Variants in POMK observed in about 807,000 individuals in gnomAD.
The protein encoded by POMK is Sugen kinase 196.
A neutral mutation model predicts 23.0 loss-of-function variants in POMK; 19 were observed. That is an observed-to-expected ratio of 0.83 (90% CI 0.58 to 1.21). The LOEUF is 1.21. Ranked by LOEUF, POMK falls within the 50% of genes most tolerant of loss-of-function variation. The pLI, the probability that POMK is intolerant of heterozygous loss-of-function variation, is 0.00. For synonymous variants in POMK, 173 were observed against 171.6 expected (o/e 1.01, Z -0.06); for missense variants, 410 against 431.3 (o/e 0.95, Z 0.44).
At chr8:43,094,990 A>G (rs1362310337) in intron 1 of POMK, among the ~76,000 whole-genome samples, 1 of 152,162 alleles carries the variant, frequency 6.6e-6, no homozygotes, top group African/African-American at 2.4e-5. Flanking sequence ...GCCTCATGCT[A>G]TGCTCTGGGC....
rs200269543 is a variant in POMK, at chr8:43,123,113, G to GT, written c.*237dup. 6.9e-3 allele frequency: 3,117 copies of GT among 450,524 alleles called. 91 individuals carry two copies. Among genetic ancestry groups the GT allele is most frequent in the African/African-American group, 0.057 (2,825 of 49,924 alleles). The allele number at this position is 450,524 out of a possible 1,614,324, so 27.9% of individuals were successfully genotyped here. On this transcript the variant is annotated 3_prime_UTR_variant, in exon 5 of 5. Coordinates refer to ENST00000331373, the MANE Select transcript of POMK (RefSeq NM_032237.5). The stretch of plus-strand genomic sequence containing the variant: ...GCTCTGTTGCTGAGGCTGGAGTGCA[G>GT]TGATGTGATCTTGGCTCACTGCAGC...
chr8:43,111,478 A>G (rs990681072), intron 4 of POMK, among the ~76,000 whole-genome samples: 2 of 152,344 alleles, frequency 1.3e-5, no homozygotes, highest in African/African-American at 2.4e-5. Context: ...CTGCCCCTAT[A>G]GGCTCCACCT....
At chr8:43,107,914 C>T (rs1258147598) in intron 4 of POMK, among the ~76,000 whole-genome samples, 1 of 152,126 alleles carries the variant, frequency 6.6e-6, no homozygotes, top group Non-Finnish European at 1.5e-5. Context: ...AACTCCTGAG[C>T]TCAGGCAATC....
Position 43,122,187 on chromosome 8 carries a change from T to C in POMK, c.363T>C (p.His121=), listed in dbSNP as rs374766465. ...TSLEMKDDFL[H]GLQMLKSLQG... ...TGGAGATGAAAGATGATTTCCTCCA[T>C]GGACTGCAGATGCTGAAATCTCTCC... Residue 121 remains histidine (H), a synonymous_variant, in exon 5 of 5, where the codon CAT becomes CAC. Transcript: ENST00000331373. 53 of 1,614,092 alleles carry C rather than the reference T, an allele frequency of 3.3e-5. No individual in the cohort carries two copies. Among genetic ancestry groups the C allele is most frequent in the Non-Finnish European group, 4.3e-5 (51 of 1,180,028 alleles).
chr8:43,106,509 C>CTTTTTTT (rs1221471764), intron 4 of POMK, among the ~76,000 whole-genome samples: 18 of 115,200 alleles, frequency 1.6e-4, no homozygotes, highest in East Asian at 2.3e-4. Context: ...TTTACTTTTG[C>CTTTTTTT]TTTTTTTTTT....
At position 43,098,396 on chromosome 8, in the gene POMK, T is replaced by C. The variant is rs971801305; in HGVS notation, c.-118+781T>C. ...GCATGTGGCCTTTTTGTCAGGCTTA[T>C]TTCACTGAGCATGATGTTTCCAGGG... On this transcript the variant is annotated intron_variant, in intron 2 of 4. Coordinates refer to ENST00000331373, the MANE Select transcript of POMK (RefSeq NM_032237.5). 2.6e-5 allele frequency among the ~76,000 whole-genome samples: 4 copies of C among 152,230 alleles called. No homozygotes were observed. The South Asian group carries it at 8.3e-4, about 31-fold the overall frequency.
At chr8:43,102,210 G>A (rs1280201127) in intron 2 of POMK, among the ~76,000 whole-genome samples, 2 of 152,224 alleles carry the variant, frequency 1.3e-5, no homozygotes, top group African/African-American at 4.8e-5. Flanking sequence ...CACTGTGTGT[G>A]AATGTCTCCA....
intron 4 of POMK, among the ~76,000 whole-genome samples, chr8:43,105,067 T>G (rs1811519221): frequency 6.6e-6 from 1 of 152,244 alleles, no homozygotes; most frequent in Non-Finnish European, 1.5e-5. Flanking sequence ...TTAATTGGCA[T>G]GTAATAATTA....
intron 4 of POMK, among the ~76,000 whole-genome samples, chr8:43,119,727 GGCCCAAAAACA>G (rs1350502104): frequency 2.0e-5 from 3 of 151,928 alleles, no homozygotes; most frequent in Non-Finnish European, 2.9e-5. Flanking sequence ...CACCGCGTCC[GGCCCAAAAACA>G]GCTTTTTAAT....
chr8:43,104,068 T>C (rs535809302), intron 4 of POMK, among the ~76,000 whole-genome samples: 75 of 152,284 alleles, frequency 4.9e-4, no homozygotes, highest in African/African-American at 1.8e-3. Context: ...GCATCCAGTG[T>C]TAGGAGCCCT....
At chr8:43,120,786 T>A in intron 4 of POMK, among the ~76,000 whole-genome samples, 1 of 151,986 alleles carries the variant, frequency 6.6e-6, no homozygotes, top group East Asian at 1.9e-4. Context: ...CAAGTGATTC[T>A]CCTGCCTCAG....
intron 4 of POMK, among the ~76,000 whole-genome samples, chr8:43,115,554 C>G (rs554268297): frequency 6.6e-6 from 1 of 152,200 alleles, no homozygotes; most frequent in Non-Finnish European, 1.5e-5. Flanking sequence ...TGGAAGAGAC[C>G]TGGAATTTGA....
At chr8:43,103,345 A>T (rs1178576628) in intron 3 of POMK, among the ~76,000 whole-genome samples, 183 bp from the exon 4 acceptor site, 1 of 152,202 alleles carries the variant, frequency 6.6e-6, no homozygotes, top group Non-Finnish European at 1.5e-5. Context: ...AAAAGTAATG[A>T]TTATGGAAAC....
At chr8:43,097,115 G>A (rs960875490) in intron 1 of POMK, among the ~76,000 whole-genome samples, 7 of 152,168 alleles carry the variant, frequency 4.6e-5, no homozygotes, top group South Asian at 2.1e-4. Context: ...AGATAAGATC[G>A]ATTAGATAGA....
At chr8:43,111,131 C>T (rs1307757755) in intron 4 of POMK, among the ~76,000 whole-genome samples, 1 of 152,126 alleles carries the variant, frequency 6.6e-6, no homozygotes, top group African/African-American at 2.4e-5. Context: ...AGGCATTGCC[C>T]CACCCGGGAA....
At chr8:43,099,735 G>A (rs1029162407) in intron 2 of POMK, among the ~76,000 whole-genome samples, 1 of 152,214 alleles carries the variant, frequency 6.6e-6, no homozygotes, top group Non-Finnish European at 1.5e-5. Context: ...CCTGAGCTGG[G>A]CTCGGGGCCA....
At position 43,119,936 on chromosome 8, in the gene POMK, C is replaced by CT. The variant is rs1198265599; in HGVS notation, c.283-2158dup. On this transcript the variant is annotated intron_variant, in intron 4 of 4. Coordinates refer to ENST00000331373, the MANE Select transcript of POMK (RefSeq NM_032237.5). The stretch of plus-strand genomic sequence containing the variant: ...TCCATTTTATATAATATTTCTTTTT[C>CT]TTTTTTTTTTTTTAAATTCCCAATG... 1.6e-3 allele frequency among the ~76,000 whole-genome samples: 214 copies of CT among 133,670 alleles called. No individual in the cohort carries two copies. The South Asian group carries it at 0.018, about 11-fold the overall frequency. 87.7% of individuals were successfully genotyped at this position (133,670 alleles called of 152,430 possible). A position where few individuals can be genotyped will look rare whatever the true frequency, so the allele number is the denominator to read the frequency against.
chr8:43,122,334 A>G lies in POMK; in HGVS notation c.510A>G (p.Gln170=). ...AAACACTAAACCTTTCAAAGTACCA[A>G]AATGTGAACACGTGGCAGCACAGGC... The part of the protein sequence containing the change: ...LEETLNLSKY[Q]NVNTWQHRLE... The change falls in exon 5 of 5, where the codon CAA becomes CAG. Residue 170 remains glutamine (Q), a synonymous_variant. Transcript: ENST00000331373. The G allele has an allele frequency of 1.9e-6, 3 of 1,614,232 alleles. No individual in the cohort carries two copies. The highest frequency in any genetic ancestry group is 2.5e-6 in the Non-Finnish European group (3 of 1,180,044).
intron 4 of POMK, among the ~76,000 whole-genome samples, chr8:43,117,841 C>G (rs764717097): frequency 1.7e-4 from 26 of 152,196 alleles, no homozygotes; most frequent in Non-Finnish European, 3.4e-4. Context: ...TGCATGCTAG[C>G]ACAGACTTTG....
Sources: allele counts gnomAD v4.1 joint callset (sites outside exome capture counted in the v4.1 genomes callset), GRCh38; gene constraint gnomAD v4.1.1; transcripts MANE v1.5; gene names NCBI Gene and HGNC (gene_info 2026-07-23, HGNC 2026-07-21).